The following DEPDC4 variants were observed in gnomAD, a reference collection of about 807,000 sequenced individuals.
The protein encoded by DEPDC4 is DEP domain-containing protein 4.
DEPDC4 carries 52 observed loss-of-function variants against 52.0 expected under a neutral mutation model. The ratio of observed to expected loss-of-function variants is 1.00; its 90% CI spans 0.80 to 1.26. The LOEUF (loss-of-function observed/expected upper bound fraction) is 1.26. Ranked by LOEUF, DEPDC4 falls within the 50% of genes most tolerant of loss-of-function variation. DEPDC4 has a pLI of 0.00. For missense variants in DEPDC4, 530 were observed against 546.9 expected (o/e 0.97, Z 0.31); for synonymous variants, 201 against 196.8 (o/e 1.02, Z -0.18).
At chr12:100,261,668 T>C in intron 3 of DEPDC4, 1 of 456,290 alleles carries the variant, frequency 2.2e-6, no homozygotes, top group Non-Finnish European at 4.4e-6. Context: ...GCACCTCCAG[T>C]TAATCTGGTC....
chr12:100,272,090 A>G, the DEPDC4 span, among the ~76,000 whole-genome samples: 50 of 152,150 alleles, frequency 3.3e-4, no homozygotes, highest in Admixed American at 2.0e-3. Context: ...GCTAGATGGT[A>G]GAGAGATACA....
downstream of DEPDC4, among the ~76,000 whole-genome samples, chr12:100,236,493 T>C (rs1022401616): frequency 7.9e-5 from 12 of 152,188 alleles, no homozygotes; most frequent in Non-Finnish European, 1.6e-4. Context: ...ATATCTTCTT[T>C]TGAGAATTTT....
chr12:100,273,774 C>G, the DEPDC4 span, among the ~76,000 whole-genome samples: 1 of 152,184 alleles, frequency 6.6e-6, no homozygotes, highest in Admixed American at 6.5e-5. Flanking sequence ...CTTAATATTT[C>G]CATAGCATGT....
chr12:100,260,646 C>T (rs1252099538), intron 3 of DEPDC4, among the ~76,000 whole-genome samples: 58 of 143,762 alleles, frequency 4.0e-4, no homozygotes, highest in East Asian at 1.8e-3. Context: ...GAGGCCAAGG[C>T]GGGTGGATAA....
chr12:100,263,061 G>T (rs1420389980), intron 2 of DEPDC4, among the ~76,000 whole-genome samples: 2 of 152,102 alleles, frequency 1.3e-5, no homozygotes, highest in Non-Finnish European at 2.9e-5. Context: ...CAGCTCAAGC[G>T]ATTCTTGTGC....
At position 100,232,389 on chromosome 12, in the gene DEPDC4, C is replaced by A. The variant is rs2096136031; in HGVS notation, c.*699+5579G>T. Among the ~76,000 whole-genome samples, 3 of 146,094 alleles carry A rather than the reference C, an allele frequency of 2.1e-5. No individual in the cohort carries two copies. In the South Asian group the frequency reaches 6.5e-4, roughly 32 times the overall value. On this transcript the variant is annotated intron_variant and NMD_transcript_variant, in intron 9 of 10. Transcript: ENST00000378244. Reference sequence around the variant, plus strand: ...CCAGCCTGGGCGACAGAGCAAGACTCCGTCTCAAAAAAAAAAAAAAATCTT... The same window carrying A: ...CCAGCCTGGGCGACAGAGCAAGACTACGTCTCAAAAAAAAAAAAAAATCTT...
At position 100,241,856 on chromosome 12, in the gene DEPDC4, A is replaced by G. The variant is rs571875380; in HGVS notation, c.*47-11T>C. On this transcript the variant is annotated splice_polypyrimidine_tract_variant and intron_variant, in intron 9 of 9. Transcript: ENST00000550587. Reference sequence around the variant, plus strand: ...GGCAAAACGTAAAGCCTGGAAAAAAAAAAAAAAAACAAAAGAAAAAGAAAA... The same window carrying G: ...GGCAAAACGTAAAGCCTGGAAAAAAGAAAAAAAAACAAAAGAAAAAGAAAA... 2.5e-6 allele frequency: 3 copies of G among 1,198,446 alleles called. No individual in the cohort carries two copies. The highest frequency in any genetic ancestry group is 3.2e-6 in the Non-Finnish European group (3 of 949,876). 74.2% of individuals were successfully genotyped at this position (1,198,446 alleles called of 1,614,324 possible).
upstream of DEPDC4, among the ~76,000 whole-genome samples, chr12:100,270,623 C>CTTTT (rs559329533): frequency 1.3e-4 from 16 of 125,702 alleles, no homozygotes; most frequent in African/African-American, 4.3e-4. Context: ...ATGTTGCTTT[C>CTTTT]TTTTTTTTTT....
chr12:100,244,095 G>GTATATA (rs774444544), intron 8 of DEPDC4, among the ~76,000 whole-genome samples: 106 of 51,578 alleles, frequency 2.1e-3, no homozygotes, highest in Non-Finnish European at 1.9e-3. Flanking sequence ...CTCTCTCTGT[G>GTATATA]TATATATATA....
chr12:100,245,956 T>G (rs568953827), intron 8 of DEPDC4, among the ~76,000 whole-genome samples: 9 of 151,942 alleles, frequency 5.9e-5, no homozygotes, highest in Non-Finnish European at 1.2e-4. Context: ...TTTATTTTTA[T>G]TTTTAAATTT....
intron 4 of DEPDC4, among the ~76,000 whole-genome samples, chr12:100,253,976 A>C (rs914360477): frequency 6.6e-6 from 1 of 152,140 alleles, no homozygotes; most frequent in Non-Finnish European, 1.5e-5. Flanking sequence ...ATTTTTAATG[A>C]ACCCTTTATT....
intron 8 of DEPDC4, among the ~76,000 whole-genome samples, chr12:100,245,407 C>A (rs543998216): frequency 6.4e-4 from 97 of 152,300 alleles, no homozygotes; most frequent in Middle Eastern, 3.4e-3. Context: ...GCTGGGATTA[C>A]AGGCACCCAC....
chr12:100,265,084 A>T (rs888346122), intron 1 of DEPDC4, among the ~76,000 whole-genome samples: 1 of 151,878 alleles, frequency 6.6e-6, no homozygotes, highest in African/African-American at 2.4e-5. Flanking sequence ...GGATCGCATG[A>T]ACTCAGGATT....
rs774444544 is a variant in DEPDC4 at position 100,244,095 on chromosome 12, GTATATA to G, written c.1454-1532_1454-1527del. ...CCTCTCTCTCTCTCTCTCTCTCTGT[GTATATA>G]TATATATATATATATATATATATAT... On this transcript the variant is annotated intron_variant, in intron 8 of 9. Coordinates refer to ENST00000550587, the MANE Select transcript of DEPDC4 (RefSeq NM_001364818.2). Among the ~76,000 whole-genome samples, 290 of 51,632 alleles carry G rather than the reference GTATATA, an allele frequency of 5.6e-3. 5 individuals are homozygous for G. The highest frequency in any genetic ancestry group is 0.033 in the Middle Eastern group (2 of 60). The allele number at this position is 51,632 out of a possible 152,430, so 33.9% of individuals were successfully genotyped here.
chr12:100,269,069 T>C (rs1021637376), upstream of DEPDC4, among the ~76,000 whole-genome samples: 1 of 152,210 alleles, frequency 6.6e-6, no homozygotes, highest in Non-Finnish European at 1.5e-5. Flanking sequence ...CAAGACTTAG[T>C]GACTTTTTCA....
At chr12:100,245,963 A>T (rs1279925954) in intron 8 of DEPDC4, among the ~76,000 whole-genome samples, 2 of 151,150 alleles carry the variant, frequency 1.3e-5, no homozygotes, top group East Asian at 1.9e-4. Context: ...TTATTTTTAA[A>T]TTTTTTTGGT....
chr12:100,247,883 G>A (rs1327668730), intron 8 of DEPDC4, among the ~76,000 whole-genome samples: 3 of 151,996 alleles, frequency 2.0e-5, no homozygotes, highest in Non-Finnish European at 2.9e-5. Context: ...AATTAATAAT[G>A]CCTTTGGATG....
the DEPDC4 span, among the ~76,000 whole-genome samples, chr12:100,273,968 C>T: frequency 7.2e-5 from 11 of 152,306 alleles, no homozygotes; most frequent in African/African-American, 2.2e-4. Context: ...AATTTTGTAT[C>T]CTTTCACCTT....
At chr12:100,236,008 C>T (rs750601026), downstream of DEPDC4, among the ~76,000 whole-genome samples, 3 of 152,208 alleles carry the variant, frequency 2.0e-5, no homozygotes, top group Non-Finnish European at 2.9e-5. Context: ...CAGGTTGCTG[C>T]GAATGCCCTT....
Sources: allele counts gnomAD v4.1 joint callset (sites outside exome capture counted in the v4.1 genomes callset), GRCh38; gene constraint gnomAD v4.1.1; transcripts MANE v1.5; gene names NCBI Gene and HGNC (gene_info 2026-07-23, HGNC 2026-07-21).